CRADD: variants seen among roughly 807,000 people sequenced by gnomAD.
CRADD encodes CARD and death domain containing adaptor protein.
Under a neutral mutation model 15.5 loss-of-function variants are expected in CRADD, and 9 were observed. The ratio of observed to expected loss-of-function variants is 0.58; its 90% CI spans 0.35 to 1.01. The LOEUF (loss-of-function observed/expected upper bound fraction) is 1.01. Among genes scored for constraint, CRADD ranks in the 50% least tolerant of loss-of-function variants. CRADD has a pLI of 0.02. For synonymous variants in CRADD, 118 were observed against 107.6 expected (o/e 1.10, Z -0.60); for missense variants, 227 against 250.3 (o/e 0.91, Z 0.63).
At chr12:93,797,325 C>T (rs897911989) in intron 2 of CRADD, among the ~76,000 whole-genome samples, 37 of 152,126 alleles carry the variant, frequency 2.4e-4, no homozygotes, top group African/African-American at 8.9e-4. Flanking sequence ...TCCTCATGGT[C>T]TCCAGACTTT....
chr12:93,851,939 T>C (rs1371667575), downstream of CRADD, among the ~76,000 whole-genome samples: 1 of 152,240 alleles, frequency 6.6e-6, no homozygotes, highest in Non-Finnish European at 1.5e-5. Flanking sequence ...CTTGTAACCA[T>C]ATTCCTGTTA....
intron 2 of CRADD, among the ~76,000 whole-genome samples, chr12:93,887,288 G>A (rs75519843): frequency 0.14 from 20,997 of 152,202 alleles, 1,719 homozygotes; most frequent in African/African-American, 0.22. Context: ...AGCTTCTGCT[G>A]CCTCTTGACA....
At chr12:93,745,873 T>C (rs893988887) in intron 2 of CRADD, among the ~76,000 whole-genome samples, 3 of 152,208 alleles carry the variant, frequency 2.0e-5, no homozygotes, top group Non-Finnish European at 2.9e-5. Flanking sequence ...CATTATTAAG[T>C]ATACAATTAC....
At chr12:93,758,696 G>A (rs1355543861) in intron 2 of CRADD, among the ~76,000 whole-genome samples, 1 of 151,984 alleles carries the variant, frequency 6.6e-6, no homozygotes, top group Non-Finnish European at 1.5e-5. Context: ...AAATTGCTTT[G>A]TTATTAGCTT....
chr12:93,820,325 A>G (rs1957755075), intron 2 of CRADD, among the ~76,000 whole-genome samples: 2 of 151,960 alleles, frequency 1.3e-5, no homozygotes, highest in Non-Finnish European at 2.9e-5. Flanking sequence ...ATGCTCCCCA[A>G]GGTCAGGAGA....
intron 2 of CRADD, among the ~76,000 whole-genome samples, chr12:93,783,226 AGGT>A (rs1201844191): frequency 7.8e-6 from 1 of 128,420 alleles, no homozygotes; most frequent in Non-Finnish European, 1.7e-5. Context: ...TTACAGGTAT[AGGT>A]ATTATTATTA....
chr12:93,748,796 G>T (rs998873706), intron 2 of CRADD, among the ~76,000 whole-genome samples: 3 of 152,214 alleles, frequency 2.0e-5, no homozygotes, highest in Non-Finnish European at 4.4e-5. Context: ...CTAATCTGCA[G>T]TCTCTTCTGG....
intron 2 of CRADD, among the ~76,000 whole-genome samples, chr12:93,879,895 T>C (rs1039678495): frequency 3.3e-5 from 5 of 152,218 alleles, no homozygotes; most frequent in Admixed American, 2.6e-4. Flanking sequence ...CCCTGTCCTG[T>C]TGACCTTGGG....
chr12:93,835,292 T>A (rs1285584337), intron 2 of CRADD, among the ~76,000 whole-genome samples: 1 of 152,234 alleles, frequency 6.6e-6, no homozygotes, highest in African/African-American at 2.4e-5. Context: ...TCTTTATCTT[T>A]TGCATTTAAA....
intron 1 of CRADD, chr12:93,677,704 TC>T (rs1955192205): frequency 6.6e-6 from 1 of 152,312 alleles, no homozygotes; most frequent in African/African-American, 2.4e-5. Context: ...CCCGTAGTCT[TC>T]CTGTTTGATA....
At chr12:93,748,703 T>C (rs3926587) in intron 2 of CRADD, among the ~76,000 whole-genome samples, 63,784 of 152,124 alleles carry the variant, frequency 0.42, 14,191 homozygotes, top group East Asian at 0.8. Context: ...TTGTATCTGG[T>C]CTGACTGAGG....
chr12:93,732,144 A>G (rs1956477636), intron 2 of CRADD, among the ~76,000 whole-genome samples: 1 of 152,022 alleles, frequency 6.6e-6, no homozygotes, highest in South Asian at 2.1e-4. Context: ...CTCAAGAAAA[A>G]AAAAAAAAAG....
intron 2 of CRADD, among the ~76,000 whole-genome samples, chr12:93,819,807 T>A (rs1957749061): frequency 6.6e-6 from 1 of 152,238 alleles, no homozygotes. Context: ...AGACTAACTG[T>A]TTCTTTTCAT....
At chr12:93,870,562 C>T (rs1168773137) in intron 2 of CRADD, among the ~76,000 whole-genome samples, 1 of 152,154 alleles carries the variant, frequency 6.6e-6, no homozygotes, top group Non-Finnish European at 1.5e-5. Flanking sequence ...GCTTCCACCA[C>T]CATGCACCGC....
intron 2 of CRADD, among the ~76,000 whole-genome samples, chr12:93,748,093 C>T (rs545388870): frequency 1.8e-4 from 27 of 152,176 alleles, no homozygotes; most frequent in Non-Finnish European, 3.8e-4. Flanking sequence ...TGAGTGGCAT[C>T]CCAGAATGGT....
At chr12:93,701,891 T>G (rs751782089) in intron 2 of CRADD, among the ~76,000 whole-genome samples, 2 of 152,170 alleles carry the variant, frequency 1.3e-5, no homozygotes, top group Non-Finnish European at 2.9e-5. Context: ...TCTCAAAATC[T>G]TATCTATTCT....
intron 2 of CRADD, chr12:93,893,904 A>T: frequency 1.6e-6 from 1 of 612,314 alleles, no homozygotes; most frequent in East Asian, 2.8e-5. Context: ...CATCTCAAAA[A>T]AGAAAAAAAA....
chr12:93,720,153 T>A (rs539238075), intron 2 of CRADD, among the ~76,000 whole-genome samples: 1 of 152,296 alleles, frequency 6.6e-6, no homozygotes, highest in South Asian at 2.1e-4. Context: ...TTCAAAATAT[T>A]TTTTTAAATT....
Position 93,850,114 on chromosome 12 carries a change from G to C in CRADD, c.443G>C (p.Cys148Ser). Residue 148 changes from cysteine (C) to serine (S), a missense_variant, in exon 3 of 3, where the codon TGT becomes TCT. Cys to Ser is a moderately radical substitution (Grantham distance 112). Transcript: ENST00000332896. This position sits in a 1 kb window ranked among gnomAD's most constrained non-coding sequence, Gnocchi z 4.0. ...CTGTCCCAGACGGATATCTACCGCT[G>C]TAAGGCCAACCACCCCCACAACGTG... ...LGLSQTDIYR[C>S]KANHPHNVQS... 6.2e-7 allele frequency: 1 copy of C among 1,614,132 alleles called. No individual in the cohort carries two copies.
Sources: gnomAD v4.1 joint callset for allele counts (sites outside exome capture counted in the v4.1 genomes callset) on GRCh38, gnomAD v4.1.1 for gene constraint, Gnocchi (gnomAD v3.1) non-coding constraint, MANE v1.5 for transcripts, NCBI Gene and HGNC (gene_info 2026-07-23, HGNC 2026-07-21) for gene names.